PHF24: variants seen among roughly 807,000 people sequenced by gnomAD.
PHF24 encodes Galpha inhibitory interacting protein.
Under a neutral mutation model 42.6 loss-of-function variants are expected in PHF24, and 25 were observed. The observed-to-expected ratio is 0.59, with a 90% CI of 0.43 to 0.82. PHF24 has a LOEUF of 0.82. Among genes scored for constraint, PHF24 ranks in the 40% least tolerant of loss-of-function variants. PHF24 has a pLI of 0.00. For synonymous variants in PHF24, 185 were observed against 204.8 expected (o/e 0.90, Z 0.83); for missense variants, 470 against 538.1 (o/e 0.87, Z 1.25).
chr9:34,759,626 G>A, the PHF24 span, among the ~76,000 whole-genome samples: 1 of 152,272 alleles, frequency 6.6e-6, no homozygotes, highest in East Asian at 1.9e-4. Context: ...CCCTGCAGCT[G>A]CTGCTGCCCT....
At chr9:34,849,001 G>T in the PHF24 span, among the ~76,000 whole-genome samples, 3 of 152,174 alleles carry the variant, frequency 2.0e-5, no homozygotes, top group Non-Finnish European at 4.4e-5. Context: ...TACATGTGCT[G>T]AGGAGAGCTT....
At chr9:34,862,594 C>T in the PHF24 span, among the ~76,000 whole-genome samples, 1 of 151,922 alleles carries the variant, frequency 6.6e-6, no homozygotes, top group East Asian at 1.9e-4. Flanking sequence ...CTGGCAGGAC[C>T]CATAACCTGC....
chr9:34,891,280 C>A, the PHF24 span, among the ~76,000 whole-genome samples: 1 of 152,154 alleles, frequency 6.6e-6, no homozygotes, highest in African/African-American at 2.4e-5. Context: ...AGGACAGGGG[C>A]GCCAAGTTGC....
chr9:34,843,345 G>C, the PHF24 span, among the ~76,000 whole-genome samples: 2 of 152,082 alleles, frequency 1.3e-5, no homozygotes, highest in Non-Finnish European at 2.9e-5. Context: ...AAATCTTTTG[G>C]AAAGTGTGTA....
At chr9:34,957,424 ATTTTATC>A (rs1360382863), upstream of PHF24, among the ~76,000 whole-genome samples, 1 of 152,132 alleles carries the variant, frequency 6.6e-6, no homozygotes, top group East Asian at 1.9e-4. Flanking sequence ...CTATCTTACG[ATTTTATC>A]TTTTTCTTGC....
At chr9:34,952,960 C>A (rs553146743), upstream of PHF24, among the ~76,000 whole-genome samples, 1 of 152,112 alleles carries the variant, frequency 6.6e-6, no homozygotes, top group South Asian at 2.1e-4. Context: ...ATACCTTACA[C>A]AAAAATTAAT....
At chr9:34,721,983 G>A in the PHF24 span, among the ~76,000 whole-genome samples, 8 of 152,126 alleles carry the variant, frequency 5.3e-5, no homozygotes, top group African/African-American at 1.9e-4. Context: ...TTACTTTCCA[G>A]TTTCTTAACA....
chr9:34,732,484 G>A, the PHF24 span, among the ~76,000 whole-genome samples: 11 of 151,912 alleles, frequency 7.2e-5, no homozygotes, highest in East Asian at 1.9e-3. Context: ...CTAATGAGTT[G>A]TTTGAGCTCC....
chr9:34,716,937 G>A, the PHF24 span, among the ~76,000 whole-genome samples: 2 of 152,130 alleles, frequency 1.3e-5, no homozygotes, highest in African/African-American at 4.8e-5. Flanking sequence ...CTAGTCTGGA[G>A]AGGGACTTAC....
chr9:34,971,509 G>A, exon 2 of PHF24: 2 of 1,614,106 alleles, frequency 1.2e-6, no homozygotes, highest in Non-Finnish European at 8.5e-7. Context: ...GGTCCAGGAA[G>A]AGAGTAGTGC....
At chr9:34,777,729 C>T in the PHF24 span, among the ~76,000 whole-genome samples, 8 of 152,204 alleles carry the variant, frequency 5.3e-5, no homozygotes, top group Non-Finnish European at 1.0e-4. Flanking sequence ...GGGACAGAAG[C>T]CCATGCTTCT....
At chr9:34,877,775 T>A in the PHF24 span, among the ~76,000 whole-genome samples, 6 of 152,084 alleles carry the variant, frequency 3.9e-5, no homozygotes. Context: ...GTGCAGAATG[T>A]GCAGTTTTGT....
At chr9:34,695,241 T>A in the PHF24 span, among the ~76,000 whole-genome samples, 22 of 152,318 alleles carry the variant, frequency 1.4e-4, no homozygotes, top group South Asian at 2.3e-3. Context: ...TAGGTACTGA[T>A]ACTTCCATTA....
the PHF24 span, among the ~76,000 whole-genome samples, chr9:34,828,027 G>C: frequency 1.3e-5 from 2 of 151,686 alleles, no homozygotes; most frequent in East Asian, 3.9e-4. Context: ...CACTCACACT[G>C]CCACCAACTG....
At chr9:34,892,509 A>G in the PHF24 span, 34 of 407,362 alleles carry the variant, frequency 8.3e-5, no homozygotes, top group Non-Finnish European at 5.6e-5. Flanking sequence ...ATGTGCAACA[A>G]TATCCCACTT....
the PHF24 span, chr9:34,917,260 T>C: frequency 1.8e-6 from 2 of 1,120,388 alleles, no homozygotes; most frequent in Non-Finnish European, 2.7e-6. Context: ...GTCCGGGTCA[T>C]GTATATCTGG....
rs891260299 is a variant in PHF24, at chr9:34,977,628, G to A, written c.1093G>A (p.Glu365Lys). ...TCAGGACAAGACCCTGCTGCCCACA[G>A]AGCAGGAGTCCAGGTGAGTAGGACC... Residue 365 changes from glutamate (E) to lysine (K), a missense_variant, in exon 7 of 8, where the codon GAG becomes AAG. Coordinates refer to ENST00000242315, the Ensembl canonical transcript of PHF24. The A allele has an allele frequency of 4.4e-6, 7 of 1,600,140 alleles. No individual in the cohort carries two copies. The highest frequency in any genetic ancestry group is 6.0e-6 in the Non-Finnish European group (7 of 1,172,632).
At chr9:34,844,160 GTTTA>G in the PHF24 span, among the ~76,000 whole-genome samples, 3 of 151,994 alleles carry the variant, frequency 2.0e-5, no homozygotes, top group Admixed American at 6.6e-5. Flanking sequence ...TTCATTCTGA[GTTTA>G]TTTATTTGAG....
the PHF24 span, among the ~76,000 whole-genome samples, chr9:34,713,873 C>T: frequency 6.6e-6 from 1 of 151,948 alleles, no homozygotes; most frequent in Admixed American, 6.6e-5. Context: ...TGGCTTATGA[C>T]AGGATAGGGA....
Sources: gnomAD v4.1 joint callset for allele counts (sites outside exome capture counted in the v4.1 genomes callset) on GRCh38, gnomAD v4.1.1 for gene constraint, MANE v1.5 for transcripts, NCBI Gene and HGNC (gene_info 2026-07-23, HGNC 2026-07-21) for gene names.